Variants in TSC22D1 observed in about 807,000 individuals in gnomAD.
TSC22D1 encodes TSC22 domain family member 1.
In TSC22D1, 9 loss-of-function variants were observed where a neutral mutation model predicts 74.2. That is an observed-to-expected ratio of 0.12 (90% CI 0.07 to 0.21). The LOEUF (loss-of-function observed/expected upper bound fraction) is 0.21, where lower values mean the gene tolerates loss of function less well. Among genes scored for constraint, TSC22D1 ranks in the 10% least tolerant of loss-of-function variants. TSC22D1 has a pLI of 1.00. For missense variants in TSC22D1, 1,427 were observed against 1,304.7 expected (o/e 1.09, Z -1.44); for synonymous variants, 586 against 492.5 (o/e 1.19, Z -2.51).
At chr13:44,555,342 G>A (rs78200860) in intron 1 of TSC22D1, among the ~76,000 whole-genome samples, 10 of 152,018 alleles carry the variant, frequency 6.6e-5, no homozygotes, top group East Asian at 5.8e-4. Flanking sequence ...GGCGTGGTGC[G>A]TCATGCCTGT....
At chr13:44,529,221 T>C (rs1339648579) in intron 1 of TSC22D1, among the ~76,000 whole-genome samples, 1 of 152,092 alleles carries the variant, frequency 6.6e-6, no homozygotes, top group Non-Finnish European at 1.5e-5. Flanking sequence ...AAAAAAATTC[T>C]ACACCATGAC....
intron 1 of TSC22D1, among the ~76,000 whole-genome samples, chr13:44,525,569 A>G (rs935912164): frequency 6.6e-6 from 1 of 152,208 alleles, no homozygotes; most frequent in African/African-American, 2.4e-5. Flanking sequence ...AGCCTGGGTA[A>G]CACAGCAAGA....
At chr13:44,467,470 G>A (rs1479856136) in intron 1 of TSC22D1, among the ~76,000 whole-genome samples, 1 of 151,930 alleles carries the variant, frequency 6.6e-6, no homozygotes, top group Non-Finnish European at 1.5e-5. Flanking sequence ...CTACAGAATG[G>A]GAGAAAATAT....
At chr13:44,436,696 T>C in intron 1 of TSC22D1, 1 of 1,528,984 alleles carries the variant, frequency 6.5e-7, no homozygotes, top group Non-Finnish European at 8.8e-7. Flanking sequence ...ATAAGCTAGA[T>C]AAAATCTTCT....
Position 44,573,289 on chromosome 13 carries a change from C to A in TSC22D1, c.2786G>T (p.Ser929Ile), listed in dbSNP as rs1566184095. ...TGCTGACATTCCCCCACTGTCACCA[C>A]TGATAGTCTGAGGTAAGCCAACTAA... Reference protein sequence around the residue: ...PSLVGLPQTISGDSGGMSAVS... With the variant: ...PSLVGLPQTIIGDSGGMSAVS... Residue 929 changes from serine to isoleucine, a missense_variant, in exon 1 of 3, where the codon AGT (serine) becomes ATT (isoleucine). Ser to Ile is a moderately radical substitution (Grantham distance 142, BLOSUM62 -2). Coordinates refer to ENST00000458659, the MANE Select transcript of TSC22D1 (RefSeq NM_183422.4). The A allele has an allele frequency of 1.9e-6, 3 of 1,614,228 alleles. No homozygotes were observed. Among genetic ancestry groups the A allele is most frequent in the Non-Finnish European group, 2.5e-6 (3 of 1,180,042 alleles).
At chr13:44,513,626 G>A (rs1488054774) in intron 1 of TSC22D1, among the ~76,000 whole-genome samples, 1 of 152,168 alleles carries the variant, frequency 6.6e-6, no homozygotes, top group Non-Finnish European at 1.5e-5. Context: ...CTAGGACAGA[G>A]ATCCACTTAT....
At position 44,575,591 on chromosome 13, in the gene TSC22D1, C is replaced by T. The variant is rs150509054; in HGVS notation, c.484G>A (p.Ala162Thr). The T allele has an allele frequency of 7.4e-6, 12 of 1,613,946 alleles. No homozygotes were observed. The African/African-American group carries it at 1.3e-4, about 18-fold the overall frequency. The stretch of plus-strand genomic sequence containing the variant: ...CGTTCGGGCTCCCCTAAGTCAGTAG[C>T]CCTGGAAAGTGACACATCAAGGATC... ...SEILDVSLSR[A>T]TDLGEPERSS... The change falls in exon 1 of 3, where the codon GCT becomes ACT. Residue 162 changes from alanine (A) to threonine (T), a missense_variant. Transcript: ENST00000458659.
chr13:44,575,911 G>C lies in TSC22D1; in HGVS notation c.164C>G (p.Ser55Cys). The C allele has an allele frequency of 6.2e-7, 1 of 1,613,922 alleles. No homozygotes were observed. The highest frequency in any genetic ancestry group is 8.5e-7 in the Non-Finnish European group (1 of 1,179,984). Reference sequence around the variant, plus strand: ...CAGCGACGGAGGCGGAAAATCCTCGGAAGATGTGGCATTACTACCGACGCC... The same window carrying C: ...CAGCGACGGAGGCGGAAAATCCTCGCAAGATGTGGCATTACTACCGACGCC... The part of the protein sequence containing the change: ...GTGVGSNATS[S>C]EDFPPPSLLQ... Residue 55 changes from serine to cysteine, a missense_variant, in exon 1 of 3, where the codon TCC becomes TGC. By Grantham distance (112) the Ser-to-Cys change is moderately radical. Transcript: ENST00000458659.
chr13:44,565,880 T>G (rs1302531535), intron 1 of TSC22D1, among the ~76,000 whole-genome samples: 1 of 152,206 alleles, frequency 6.6e-6, no homozygotes, highest in Non-Finnish European at 1.5e-5. Context: ...TTTACATGTT[T>G]TGTATTTCTG....
chr13:44,470,784 C>T (rs976732583), intron 1 of TSC22D1, among the ~76,000 whole-genome samples: 1 of 152,174 alleles, frequency 6.6e-6, no homozygotes, highest in Admixed American at 6.6e-5. Flanking sequence ...ATTCACTTCA[C>T]CTCCAATAGG....
Position 44,574,006 on chromosome 13 carries a change from T to C in TSC22D1, c.2069A>G (p.Gln690Arg). Residue 690 changes from glutamine (Q) to arginine (R), a missense_variant, in exon 1 of 3, where the codon CAG becomes CGG. By Grantham distance (43) the Gln-to-Arg change is conservative. Transcript: ENST00000458659. ...GTTVIPVAQP[Q>R]GIQLPVQPTA... Reference sequence around the variant, plus strand: ...GGGCTGCACTGGCAGCTGGATACCCTGTGGCTGAGCCACAGGAATCACTGT... The same window carrying C: ...GGGCTGCACTGGCAGCTGGATACCCCGTGGCTGAGCCACAGGAATCACTGT... 4 of 1,614,012 alleles carry C rather than the reference T, an allele frequency of 2.5e-6. No homozygotes were observed. The highest frequency in any genetic ancestry group is 3.4e-6 in the Non-Finnish European group (4 of 1,180,034).
intron 1 of TSC22D1, among the ~76,000 whole-genome samples, chr13:44,466,496 T>C (rs61949802): frequency 0.099 from 15,088 of 152,188 alleles, 776 homozygotes; most frequent in Non-Finnish European, 0.11. Context: ...TGGCCGGGCA[T>C]AGTGGCTCAT....
At chr13:44,495,727 A>T (rs1878943148) in intron 1 of TSC22D1, among the ~76,000 whole-genome samples, 1 of 152,220 alleles carries the variant, frequency 6.6e-6, no homozygotes, top group South Asian at 2.1e-4. Flanking sequence ...CTGATTTCAG[A>T]AAAGGGTGTC....
chr13:44,496,460 A>G (rs962373926), intron 1 of TSC22D1, among the ~76,000 whole-genome samples: 10 of 152,146 alleles, frequency 6.6e-5, no homozygotes, highest in Non-Finnish European at 1.3e-4. Flanking sequence ...AGGCGGGTGG[A>G]TCACCTGAGG....
At chr13:44,532,265 A>G (rs989895454) in intron 1 of TSC22D1, among the ~76,000 whole-genome samples, 4 of 152,188 alleles carry the variant, frequency 2.6e-5, no homozygotes, top group Non-Finnish European at 5.9e-5. Flanking sequence ...ATACTTTTTC[A>G]TATCACTATA....
At chr13:44,551,552 C>G (rs991715788) in intron 1 of TSC22D1, among the ~76,000 whole-genome samples, 2 of 152,062 alleles carry the variant, frequency 1.3e-5, no homozygotes, top group East Asian at 1.9e-4. Flanking sequence ...TCCCAAGTAG[C>G]TGGGATTACA....
At chr13:44,508,181 A>G (rs1198275672) in intron 1 of TSC22D1, among the ~76,000 whole-genome samples, 1 of 152,194 alleles carries the variant, frequency 6.6e-6, no homozygotes, top group African/African-American at 2.4e-5. Flanking sequence ...CATTCTTCCT[A>G]TGTAAAATAG....
chr13:44,563,134 A>G (rs190596840), intron 1 of TSC22D1, among the ~76,000 whole-genome samples: 2 of 152,158 alleles, frequency 1.3e-5, no homozygotes, highest in African/African-American at 4.8e-5. Flanking sequence ...ATTGCCAAAA[A>G]CCCTGTCTTA....
At chr13:44,458,895 G>A (rs1876829390) in intron 1 of TSC22D1, among the ~76,000 whole-genome samples, 1 of 152,174 alleles carries the variant, frequency 6.6e-6, no homozygotes, top group South Asian at 2.1e-4. Context: ...GCAGCTCCAT[G>A]CAAACCTGCA....
Sources: gnomAD v4.1 joint callset for allele counts (sites outside exome capture counted in the v4.1 genomes callset) on GRCh38, gnomAD v4.1.1 for gene constraint, MANE v1.5 for transcripts, NCBI Gene and HGNC (gene_info 2026-07-23, HGNC 2026-07-21) for gene names.